TRPM1: variants seen among roughly 807,000 people sequenced by gnomAD.
The protein encoded by TRPM1 is TRPM1-203 APA Isoform, Intron 10.
TRPM1 carries 113 observed loss-of-function variants against 149.4 expected under a neutral mutation model. That is an observed-to-expected ratio of 0.76 (90% CI 0.65 to 0.88). The LOEUF (loss-of-function observed/expected upper bound fraction) is 0.88. TRPM1 is among the 40% of genes least tolerant of loss of function. The probability of loss-of-function intolerance (pLI) is 0.00; values close to 1 mark genes in which losing one functional copy is unlikely to be tolerated. For missense variants in TRPM1, 1,976 were observed against 2,038.7 expected (o/e 0.97, Z 0.59); for synonymous variants, 741 against 759.5 (o/e 0.98, Z 0.40).
rs1313165051 is a variant in TRPM1, at chr15:31,049,424, T to C, written c.1523A>G (p.Asn508Ser). 6.2e-7 allele frequency: 1 copy of C among 1,614,046 alleles called. No individual in the cohort carries two copies. Among genetic ancestry groups the C allele is most frequent in the African/African-American group, 1.3e-5 (1 of 74,910 alleles). ...CGGAATGGTCAGAAAGTGTTGCATGTTCACTCCGTTTTCAATCAGGAGCTT... is the reference window on the plus strand; with the variant it reads ...CGGAATGGTCAGAAAGTGTTGCATGCTCACTCCGTTTTCAATCAGGAGCTT... The part of the protein sequence containing the change: ...FVKLLIENGV[N>S]MQHFLTIPRL... The change falls in exon 13 of 28, where the codon AAC (asparagine) becomes AGC (serine). Residue 508 changes from asparagine (N) to serine (S), a missense_variant. Around this residue, in one of 3 missense-constraint regions of TRPM1, gnomAD observed 1,332 missense variants for 1,347.1 expected, o/e 0.99. Transcript: ENST00000256552.
At chr15:31,104,586 C>CTTTTTTTTTTTTTTTTT (rs928062797), upstream of TRPM1, among the ~76,000 whole-genome samples, 1 of 87,466 alleles carries the variant, frequency 1.1e-5, no homozygotes, top group Non-Finnish European at 2.0e-5. Context: ...GGTGATCTTC[C>CTTTTTTTTTTTTTTTTT]TTTTTTTTTT....
At chr15:31,110,853 C>T (rs2035675061) in intron 1 of TRPM1, among the ~76,000 whole-genome samples, 1 of 151,918 alleles carries the variant, frequency 6.6e-6, no homozygotes, top group Non-Finnish European at 1.5e-5. Context: ...TTCTCTCTCT[C>T]TCACTTTTTC....
chr15:31,068,744 C>CAAAAAAAAAAAAAAAAAA (rs60411633), intron 4 of TRPM1, among the ~76,000 whole-genome samples: 1 of 60,212 alleles, frequency 1.7e-5, no homozygotes, highest in Non-Finnish European at 3.0e-5. Context: ...AACTCCAACT[C>CAAAAAAAAAAAAAAAAAA]AAAAAAAAAA....
rs1370958588 is a variant in TRPM1 at position 31,067,063 on chromosome 15, A to T, written c.618T>A (p.Asp206Glu). Residue 206 changes from aspartate (D) to glutamate (E), a missense_variant and splice_region_variant, in exon 6 of 28, where the codon GAT becomes GAA. Asp to Glu is a conservative substitution (Grantham distance 45). Transcript: ENST00000256552. ...VENKEDLVGKDVTRVYQTMSN... is the reference protein window; with the variant it reads ...VENKEDLVGKEVTRVYQTMSN... ...CAACATTTGCAGAGAAAACACTTAC[A>T]TCCTTTCCAACCAGGTCTTCCTTAT... 4 of 1,614,048 alleles carry T rather than the reference A, an allele frequency of 2.5e-6. No individual in the cohort carries two copies. Among genetic ancestry groups the T allele is most frequent in the Non-Finnish European group, 3.4e-6 (4 of 1,180,028 alleles).
intron 1 of TRPM1, among the ~76,000 whole-genome samples, chr15:31,086,349 C>A (rs972030278): frequency 1.3e-5 from 2 of 152,236 alleles, no homozygotes; most frequent in African/African-American, 4.8e-5. Context: ...CTGCTGGTAT[C>A]AGACTCCACT....
At chr15:31,081,500 A>G (rs1275237808) in intron 1 of TRPM1, 62 bp from the exon 2 acceptor site, 1 of 1,092,672 alleles carries the variant, frequency 9.2e-7, no homozygotes, top group Non-Finnish European at 1.3e-6. Flanking sequence ...TTGGGAAGCA[A>G]GATGAACAAA....
chr15:31,132,128 CT>C (rs1330966739), intron 1 of TRPM1, among the ~76,000 whole-genome samples: 14 of 152,346 alleles, frequency 9.2e-5, no homozygotes, highest in African/African-American at 3.1e-4. Flanking sequence ...CAGTGCCTTC[CT>C]GATGGCCCAC....
intron 3 of TRPM1, among the ~76,000 whole-genome samples, chr15:31,072,018 T>TATATATATATATATATAGAGAG (rs1400392427): frequency 2.7e-5 from 1 of 36,898 alleles, no homozygotes; most frequent in African/African-American, 1.1e-4. Context: ...TATATATATA[T>TATATATATATATATATAGAGAG]AGAGAGAGAG....
intron 23 of TRPM1, among the ~76,000 whole-genome samples, chr15:31,030,471 A>G (rs2033015294): frequency 6.6e-6 from 1 of 152,240 alleles, no homozygotes; most frequent in Non-Finnish European, 1.5e-5. Context: ...GCAGGATCAT[A>G]GCCCATTTCC....
chr15:31,129,649 T>G (rs1326126387), intron 1 of TRPM1, among the ~76,000 whole-genome samples: 1 of 151,854 alleles, frequency 6.6e-6, no homozygotes, highest in Non-Finnish European at 1.5e-5. Flanking sequence ...TAGAAAGGAG[T>G]AAAGGCTGTG....
In TRPM1 at chr15:31,001,081, T is replaced by C. The variant is rs2031741766; in HGVS notation, c.*741A>G. ...AGAAGAAAATGCATATTGGATACTT[T>C]ATTTTTGCACATTAACAAAACTCTA... On this transcript the variant is annotated 3_prime_UTR_variant, in exon 28 of 28. Coordinates refer to ENST00000256552, the MANE Select transcript of TRPM1 (RefSeq NM_001252024.2). 1 of 152,254 alleles carries C rather than the reference T, an allele frequency of 6.6e-6. No individual in the cohort carries two copies. 9.4% of individuals were successfully genotyped at this position (152,254 alleles called of 1,614,324 possible). A position where few individuals can be genotyped will look rare whatever the true frequency, so the allele number is the denominator to read the frequency against.
chr15:31,148,299 T>C (rs1363860366), intron 1 of TRPM1, among the ~76,000 whole-genome samples: 4 of 152,174 alleles, frequency 2.6e-5, no homozygotes, highest in African/African-American at 9.7e-5. Flanking sequence ...GGGAAATGTG[T>C]TAATGAGCTG....
chr15:31,100,445 A>G (rs2035489843), intron 1 of TRPM1, among the ~76,000 whole-genome samples: 1 of 152,136 alleles, frequency 6.6e-6, no homozygotes, highest in African/African-American at 2.4e-5. Flanking sequence ...TTAAAAAAAC[A>G]TACACATTGT....
chr15:31,080,017 T>C (rs1230166535), intron 2 of TRPM1, among the ~76,000 whole-genome samples: 2 of 152,086 alleles, frequency 1.3e-5, no homozygotes, highest in African/African-American at 4.8e-5. Flanking sequence ...TGAAAATAAA[T>C]GACTACAATG....
At chr15:31,062,861 G>C in intron 8 of TRPM1, 159 bp from the exon 9 acceptor site, 1 of 1,007,986 alleles carries the variant, frequency 9.9e-7, no homozygotes, top group Non-Finnish European at 1.5e-6. Flanking sequence ...ATTCTCACTT[G>C]TCCTAAATTC....
chr15:31,087,409 G>A (rs2035034267), intron 1 of TRPM1, among the ~76,000 whole-genome samples: 1 of 151,026 alleles, frequency 6.6e-6, no homozygotes, highest in Non-Finnish European at 1.5e-5. Context: ...CCATCACCAC[G>A]CCCCGCTAAT....
chr15:31,025,045 G>A (rs991553048), intron 27 of TRPM1, among the ~76,000 whole-genome samples: 6 of 152,182 alleles, frequency 3.9e-5, no homozygotes, highest in African/African-American at 1.4e-4. Flanking sequence ...ATGCACCAGG[G>A]AGACCTAAGG....
At chr15:31,116,985 G>C (rs1249250936) in intron 1 of TRPM1, among the ~76,000 whole-genome samples, 1 of 152,206 alleles carries the variant, frequency 6.6e-6, no homozygotes, top group African/African-American at 2.4e-5. Context: ...GCAAGCAAGG[G>C]AACTAGACTC....
chr15:31,071,786 A>G (rs1246274240), intron 3 of TRPM1, among the ~76,000 whole-genome samples: 1 of 151,462 alleles, frequency 6.6e-6, no homozygotes, highest in African/African-American at 2.4e-5. Flanking sequence ...CAATATTGTG[A>G]AACCCCGTCT....
Sources: allele counts gnomAD v4.1 joint callset (sites outside exome capture counted in the v4.1 genomes callset), GRCh38; gene constraint gnomAD v4.1.1; regional missense constraint gnomAD v4.1.1; transcripts MANE v1.5; gene names NCBI Gene and HGNC (gene_info 2026-07-23, HGNC 2026-07-21).